CHRM3: variants seen among roughly 807,000 people sequenced by gnomAD.
CHRM3 encodes the protein cholinergic receptor muscarinic 3.
Under a neutral mutation model 41.8 loss-of-function variants are expected in CHRM3, and 11 were observed. The observed-to-expected ratio is 0.26, with a 90% CI of 0.17 to 0.44. The LOEUF (loss-of-function observed/expected upper bound fraction) is 0.44, where lower values mean the gene tolerates loss of function less well. CHRM3 is among the 20% of genes least tolerant of loss of function. The pLI, the probability that CHRM3 is intolerant of heterozygous loss-of-function variation, is 1.00. For missense variants in CHRM3, 571 were observed against 745.4 expected, an observed-to-expected ratio of 0.77 and a Z score of 2.72; for synonymous variants, 297 against 301.4, an observed-to-expected ratio of 0.99 and a Z score of 0.15.
rs1164668000 is a variant in CHRM3, at chr1:239,467,159, T to A, written c.-520-25550T>A. 5.3e-5 allele frequency among the ~76,000 whole-genome samples: 8 copies of A among 152,180 alleles called. No individual in the cohort carries two copies. In the East Asian group the frequency reaches 1.5e-3, roughly 29 times the overall value. ...AGACAGTGACCCCTCACTATAAGAATTCCATCCCTAGGGACTTCAAACAAA... is the reference window on the plus strand; with the variant it reads ...AGACAGTGACCCCTCACTATAAGAAATCCATCCCTAGGGACTTCAAACAAA... On this transcript the variant is annotated intron_variant, in intron 1 of 6. Transcript: ENST00000676153.
chr1:239,593,409 T>G (rs1664410859), intron 3 of CHRM3, among the ~76,000 whole-genome samples: 1 of 152,158 alleles, frequency 6.6e-6, no homozygotes, highest in African/African-American at 2.4e-5. Flanking sequence ...GTTTCCATGA[T>G]CATTTGGAGC....
intron 1 of CHRM3, among the ~76,000 whole-genome samples, chr1:239,423,925 G>A (rs896045270): frequency 6.6e-6 from 1 of 151,624 alleles, no homozygotes; most frequent in South Asian, 2.1e-4. Flanking sequence ...CATGGTGGCG[G>A]GCACTTGTAG....
chr1:239,652,595 TCTTC>T (rs1187687796), intron 4 of CHRM3, among the ~76,000 whole-genome samples: 1 of 152,138 alleles, frequency 6.6e-6, no homozygotes, highest in African/African-American at 2.4e-5. Flanking sequence ...GTTGGTGTGA[TCTTC>T]CTTTTTTCTC....
At chr1:239,842,592 G>A (rs1673908173) in intron 6 of CHRM3, among the ~76,000 whole-genome samples, 1 of 152,018 alleles carries the variant, frequency 6.6e-6, no homozygotes, top group South Asian at 2.1e-4. Flanking sequence ...GAAAAGGAAG[G>A]ACTGATAAAC....
chr1:239,495,915 A>G (rs893765870), intron 2 of CHRM3, among the ~76,000 whole-genome samples: 2 of 152,034 alleles, frequency 1.3e-5, no homozygotes, highest in South Asian at 2.1e-4. Flanking sequence ...TTAGCAGCCT[A>G]TAAAGTAACT....
intron 1 of CHRM3, among the ~76,000 whole-genome samples, chr1:239,446,160 C>T (rs943223391): frequency 3.3e-5 from 5 of 152,162 alleles, no homozygotes; most frequent in African/African-American, 4.8e-5. Context: ...TGGTCTTGAT[C>T]TCCTGACCTC....
chr1:239,444,604 C>A lies in CHRM3; in HGVS notation c.-520-48105C>A, dbSNP rs907954068. On this transcript the variant is annotated intron_variant, in intron 1 of 6. Coordinates refer to ENST00000676153, the MANE Select transcript of CHRM3 (RefSeq NM_001375978.1). ...AGGAAGGTATAAGACTGGAAGGGAA[C>A]CTGGGGAGGGGAATGTGGAAATCCA... 2.8e-4 allele frequency among the ~76,000 whole-genome samples: 42 copies of A among 151,918 alleles called. 1 individual carries two copies. Among genetic ancestry groups the A allele is most frequent in the African/African-American group, 9.9e-4 (41 of 41,432 alleles).
At chr1:239,802,212 C>T (rs902955906) in intron 5 of CHRM3, among the ~76,000 whole-genome samples, 5 of 151,996 alleles carry the variant, frequency 3.3e-5, no homozygotes, top group Admixed American at 6.6e-5. Flanking sequence ...TTGGTAGATC[C>T]CAGGGTATGC....
At chr1:239,391,731 G>A (rs1659051508) in intron 1 of CHRM3, among the ~76,000 whole-genome samples, 1 of 152,176 alleles carries the variant, frequency 6.6e-6, no homozygotes, top group South Asian at 2.1e-4. Context: ...AATTGTGCCA[G>A]TTCATCCTGA....
intron 5 of CHRM3, among the ~76,000 whole-genome samples, chr1:239,793,662 GC>G (rs1323427281): frequency 6.6e-6 from 1 of 152,048 alleles, no homozygotes; most frequent in African/African-American, 2.4e-5. Flanking sequence ...CATTTCACCT[GC>G]TAGGATTAAG....
chr1:239,492,069 C>T (rs1211687639), intron 1 of CHRM3, among the ~76,000 whole-genome samples: 1 of 152,164 alleles, frequency 6.6e-6, no homozygotes, highest in Non-Finnish European at 1.5e-5. Flanking sequence ...AACTAACTCT[C>T]AAGGATATCA....
chr1:239,619,126 A>G (rs1268118917), intron 3 of CHRM3, among the ~76,000 whole-genome samples: 1 of 151,648 alleles, frequency 6.6e-6, no homozygotes, highest in Non-Finnish European at 1.5e-5. Flanking sequence ...TGTTGGCCAC[A>G]CTGGTTTTGA....
chr1:239,798,089 G>C (rs535703341), intron 5 of CHRM3, among the ~76,000 whole-genome samples: 37 of 152,164 alleles, frequency 2.4e-4, no homozygotes, highest in African/African-American at 8.9e-4. Flanking sequence ...CATTCTCACA[G>C]CCCAAACCTT....
intron 5 of CHRM3, among the ~76,000 whole-genome samples, chr1:239,757,175 A>G (rs1006105135): frequency 1.3e-5 from 2 of 152,344 alleles, no homozygotes; most frequent in South Asian, 2.1e-4. Flanking sequence ...TACAATTTAT[A>G]TCCTTCATCC....
At chr1:239,631,056 A>G (rs1194123180) in intron 3 of CHRM3, among the ~76,000 whole-genome samples, 3 of 152,128 alleles carry the variant, frequency 2.0e-5, no homozygotes, top group Non-Finnish European at 4.4e-5. Flanking sequence ...CGCTAAAGAG[A>G]GGAAGAAGGG....
intron 5 of CHRM3, among the ~76,000 whole-genome samples, chr1:239,820,924 C>T (rs987691278): frequency 1.3e-5 from 2 of 151,984 alleles, no homozygotes; most frequent in Non-Finnish European, 2.9e-5. Flanking sequence ...ATATATTGTT[C>T]ACTAGGGGCT....
At chr1:239,574,984 G>T (rs1250403293) in intron 3 of CHRM3, among the ~76,000 whole-genome samples, 1 of 152,168 alleles carries the variant, frequency 6.6e-6, no homozygotes, top group Admixed American at 6.5e-5. Context: ...GTTGCCAACA[G>T]AATAGACGGC....
intron 3 of CHRM3, among the ~76,000 whole-genome samples, chr1:239,565,553 T>C (rs1437918614): frequency 2.6e-5 from 4 of 152,204 alleles, no homozygotes. Flanking sequence ...AATTTTTAAA[T>C]GTTTCGGCAA....
At chr1:239,873,496 A>C (rs1023263881) in intron 6 of CHRM3, among the ~76,000 whole-genome samples, 8 of 147,226 alleles carry the variant, frequency 5.4e-5, no homozygotes, top group Admixed American at 1.4e-4. Context: ...TCCCCTAGCC[A>C]CCCACCCCCT....
Sources: gnomAD v4.1 joint callset for allele counts (sites outside exome capture counted in the v4.1 genomes callset) on GRCh38, gnomAD v4.1.1 for gene constraint, MANE v1.5 for transcripts, NCBI Gene and HGNC (gene_info 2026-07-23, HGNC 2026-07-21) for gene names.